The following FGF14 variants were observed in gnomAD, a reference collection of about 807,000 sequenced individuals.
FGF14 encodes fibroblast growth factor homologous factor 4.
In FGF14, 5 loss-of-function variants were observed where a neutral mutation model predicts 25.5. The ratio of observed to expected loss-of-function variants is 0.20; its 90% CI spans 0.10 to 0.41. The LOEUF is 0.41. Among genes scored for constraint, FGF14 ranks in the 10% least tolerant of loss-of-function variants. FGF14 has a pLI of 1.00. For missense variants in FGF14, 222 were observed against 320.1 expected, an observed-to-expected ratio of 0.69 and a Z score of 2.34; for synonymous variants, 138 against 118.3, an observed-to-expected ratio of 1.17 and a Z score of -1.08.
At chr13:102,247,763 C>T (rs568585499) in intron 1 of FGF14, among the ~76,000 whole-genome samples, 5 of 152,094 alleles carry the variant, frequency 3.3e-5, no homozygotes, top group Admixed American at 6.6e-5. Flanking sequence ...GAAAATACAT[C>T]GCTCTACCAT....
intron 1 of FGF14, among the ~76,000 whole-genome samples, chr13:102,163,024 A>T (rs1223518446): frequency 1.3e-5 from 2 of 152,186 alleles, no homozygotes; most frequent in Non-Finnish European, 2.9e-5. Context: ...CATGCTGTAA[A>T]AATACATCCA....
intron 1 of FGF14, among the ~76,000 whole-genome samples, chr13:102,230,447 G>T (rs1415445120): frequency 6.6e-6 from 1 of 152,100 alleles, no homozygotes; most frequent in African/African-American, 2.4e-5. Flanking sequence ...TAAAATAAAA[G>T]GGTCCTATAT....
At position 101,814,017 on chromosome 13, in the gene FGF14, T is replaced by G. The variant is rs566867341; in HGVS notation, c.408+54708A>C. Among the ~76,000 whole-genome samples the G allele has an allele frequency of 2.6e-5, 4 of 152,246 alleles. No individual in the cohort carries two copies. In the South Asian group the frequency reaches 8.3e-4, roughly 31 times the overall value. On this transcript the variant is annotated intron_variant, in intron 3 of 4. Transcript: ENST00000376143. The stretch of plus-strand genomic sequence containing the variant: ...TTCATTAAACAGTTTATTTCCATGT[T>G]GTAAGCTGTTGGATGAAGTTATGGA...
intron 3 of FGF14, among the ~76,000 whole-genome samples, chr13:101,780,700 A>AT (rs1296025529): frequency 6.6e-6 from 1 of 151,756 alleles, no homozygotes; most frequent in African/African-American, 2.4e-5. Context: ...TTTAAAACTG[A>AT]TTTTTCCCAC....
chr13:102,335,743 G>A (rs985445616), intron 1 of FGF14, among the ~76,000 whole-genome samples: 3 of 152,106 alleles, frequency 2.0e-5, no homozygotes, highest in Non-Finnish European at 4.4e-5. Context: ...TGGACTCTGT[G>A]TTGCACCAGT....
At chr13:102,135,814 C>T (rs779857003) in intron 1 of FGF14, among the ~76,000 whole-genome samples, 2 of 152,128 alleles carry the variant, frequency 1.3e-5, no homozygotes, top group African/African-American at 4.8e-5. Context: ...CATCACCACG[C>T]CCGGCTAATT....
intron 1 of FGF14, among the ~76,000 whole-genome samples, chr13:101,896,013 A>T (rs1356910351): frequency 2.6e-5 from 4 of 152,176 alleles, no homozygotes; most frequent in African/African-American, 9.7e-5. Flanking sequence ...CAAGTATTTT[A>T]AATTACTTAA....
At chr13:102,328,120 C>T (rs1044627907) in intron 1 of FGF14, among the ~76,000 whole-genome samples, 1 of 152,042 alleles carries the variant, frequency 6.6e-6, no homozygotes, top group African/African-American at 2.4e-5. Flanking sequence ...CTCCATTCTC[C>T]CTTCTGGAAT....
At chr13:102,290,114 T>C (rs1416434536) in intron 1 of FGF14, among the ~76,000 whole-genome samples, 6 of 152,228 alleles carry the variant, frequency 3.9e-5, no homozygotes, top group Admixed American at 3.9e-4. Flanking sequence ...TGAATGATTA[T>C]GTCCCTTCAA....
At position 101,719,232 on chromosome 13, in the gene FGF14, A is replaced by G. The variant is rs1255885381; in HGVS notation, c.*3599T>C. The G allele has an allele frequency of 6.6e-6, 1 of 152,126 alleles. No individual in the cohort carries two copies. Among genetic ancestry groups the G allele is most frequent in the Non-Finnish European group, 1.5e-5 (1 of 68,006 alleles). The allele number at this position is 152,126 out of a possible 1,614,324, so 9.4% of individuals were successfully genotyped here. On this transcript the variant is annotated 3_prime_UTR_variant, in exon 5 of 5. Transcript: ENST00000376143. ...GCTTTTAAAGACAACCAAATCTGATATTGTTCATCCTGATAAAAATAACAA... is the reference window on the plus strand; with the variant it reads ...GCTTTTAAAGACAACCAAATCTGATGTTGTTCATCCTGATAAAAATAACAA...
At chr13:102,270,801 T>C (rs1220767274) in intron 1 of FGF14, among the ~76,000 whole-genome samples, 1 of 152,228 alleles carries the variant, frequency 6.6e-6, no homozygotes, top group Non-Finnish European at 1.5e-5. Flanking sequence ...GAATTCATGA[T>C]AGAGTAAATA....
At chr13:101,899,380 A>T (rs556003678) in intron 1 of FGF14, among the ~76,000 whole-genome samples, 1 of 152,144 alleles carries the variant, frequency 6.6e-6, no homozygotes, top group Non-Finnish European at 1.5e-5. Flanking sequence ...TATAATTAAT[A>T]TATTTAAGAA....
chr13:101,901,652 C>T (rs1403136698), intron 1 of FGF14, among the ~76,000 whole-genome samples: 4 of 151,992 alleles, frequency 2.6e-5, no homozygotes, highest in African/African-American at 4.8e-5. Flanking sequence ...TGCAGTGAGC[C>T]GAGATCGCAC....
At chr13:102,268,057 T>C (rs2053075560) in intron 1 of FGF14, among the ~76,000 whole-genome samples, 1 of 152,152 alleles carries the variant, frequency 6.6e-6, no homozygotes, top group South Asian at 2.1e-4. Flanking sequence ...CACACACATT[T>C]ATGAAATCAA....
intron 1 of FGF14, among the ~76,000 whole-genome samples, chr13:102,006,313 A>T (rs2039782274): frequency 6.6e-6 from 1 of 152,242 alleles, no homozygotes; most frequent in South Asian, 2.1e-4. Context: ...GCAATAAGGC[A>T]TAAATAAAGA....
intron 1 of FGF14, among the ~76,000 whole-genome samples, chr13:102,096,675 T>G (rs771703281): frequency 7.9e-5 from 12 of 152,170 alleles, no homozygotes; most frequent in Admixed American, 1.3e-4. Context: ...AGTTTCCAAC[T>G]GTCAGAGGCA....
rs7999255 is a variant in FGF14, at chr13:102,070,395, G to A, written c.209-195099C>T. ...ACAGACAATAACAAATGCCACCAAA[G>A]ATGTGGAGAAAAGGGTACCCTTGTA... On this transcript the variant is annotated intron_variant, in intron 1 of 4. Coordinates refer to the FGF14 transcript ENST00000376131. 3.8e-3 allele frequency among the ~76,000 whole-genome samples: 582 copies of A among 152,258 alleles called. 5 individuals are homozygous for A. The highest frequency in any genetic ancestry group is 0.013 in the African/African-American group (530 of 41,548).
At chr13:102,258,707 G>C (rs2052569325) in intron 1 of FGF14, among the ~76,000 whole-genome samples, 1 of 152,172 alleles carries the variant, frequency 6.6e-6, no homozygotes, top group African/African-American at 2.4e-5. Context: ...TTGTGCTGTG[G>C]GTAATGTCAG....
Position 101,716,723 on chromosome 13 carries a change from C to A in FGF14, c.*6108G>T, listed in dbSNP as rs1421954732. Reference sequence around the variant, plus strand: ...ACCTTACTTACTGGAAACCTGGGGTCATGCAAAGAAGTCAAGACGAGAAAT... The same window carrying A: ...ACCTTACTTACTGGAAACCTGGGGTAATGCAAAGAAGTCAAGACGAGAAAT... On this transcript the variant is annotated 3_prime_UTR_variant, in exon 5 of 5. Transcript: ENST00000376143. 6.8e-6 allele frequency: 1 copy of A among 146,562 alleles called. No individual in the cohort carries two copies. Among genetic ancestry groups the A allele is most frequent in the Non-Finnish European group, 1.5e-5 (1 of 67,242 alleles). The allele number at this position is 146,562 out of a possible 1,614,324, so 9.1% of individuals were successfully genotyped here.
Sources: allele counts gnomAD v4.1 joint callset (sites outside exome capture counted in the v4.1 genomes callset), GRCh38; gene constraint gnomAD v4.1.1; transcripts MANE v1.5; gene names NCBI Gene and HGNC (gene_info 2026-07-23, HGNC 2026-07-21).